The following SH3RF2 variants were observed in gnomAD, a reference collection of about 807,000 sequenced individuals.
The protein encoded by SH3RF2 is SH3 domain containing ring finger 2.
A neutral mutation model predicts 59.0 loss-of-function variants in SH3RF2; 43 were observed. The ratio of observed to expected loss-of-function variants is 0.73; its 90% CI spans 0.57 to 0.94. The LOEUF (loss-of-function observed/expected upper bound fraction) is 0.94, where lower values mean the gene tolerates loss of function less well. Ranked by LOEUF, SH3RF2 falls within the 40% of genes least tolerant of loss-of-function variation. The pLI is 0.00. For missense variants in SH3RF2, 930 were observed against 940.1 expected (o/e 0.99, Z 0.14); for synonymous variants, 391 against 391.5 (o/e 1.00, Z 0.01).
intron 5 of SH3RF2, among the ~76,000 whole-genome samples, chr5:146,040,614 C>T (rs962528838): frequency 6.6e-6 from 1 of 152,158 alleles, no homozygotes; most frequent in Admixed American, 6.5e-5. Context: ...TGCAATATAA[C>T]CCCTGCAGAC....
intron 2 of SH3RF2, among the ~76,000 whole-genome samples, chr5:145,966,478 T>C (rs1229190501): frequency 6.6e-6 from 1 of 152,208 alleles, no homozygotes; most frequent in Non-Finnish European, 1.5e-5. Context: ...TGTTCGCTAT[T>C]GTTGTTTTTA....
chr5:146,006,018 T>C (rs1430175917), intron 4 of SH3RF2, among the ~76,000 whole-genome samples: 6 of 152,212 alleles, frequency 3.9e-5, no homozygotes, highest in Non-Finnish European at 5.9e-5. Flanking sequence ...GAGTGCCTGC[T>C]ATGCCAGGAC....
intron 9 of SH3RF2, among the ~76,000 whole-genome samples, chr5:146,077,895 T>C (rs1417599611): frequency 6.6e-6 from 1 of 152,138 alleles, no homozygotes; most frequent in Admixed American, 6.6e-5. Context: ...CAATTTGTGT[T>C]TGTTGTTTCT....
intron 3 of SH3RF2, among the ~76,000 whole-genome samples, chr5:146,000,551 G>A (rs183962995): frequency 1.3e-5 from 2 of 152,206 alleles, no homozygotes; most frequent in Admixed American, 6.5e-5. Flanking sequence ...CTACATGCAC[G>A]TGAAATCTCT....
chr5:146,019,953 G>C lies in SH3RF2; in HGVS notation c.1059+5892G>C, dbSNP rs114868706. Among the ~76,000 whole-genome samples the C allele has an allele frequency of 2.1e-3, 320 of 152,170 alleles. 1 individual carries two copies. Among genetic ancestry groups the C allele is most frequent in the African/African-American group, 7.7e-3 (318 of 41,528 alleles). On this transcript the variant is annotated intron_variant, in intron 5 of 9. Coordinates refer to ENST00000359120, the MANE Select transcript of SH3RF2 (RefSeq NM_152550.4). ...GCGATGCTGCTGATTTGTGTACATC[G>C]ATTTTGTGACCTGAGACTACTGAAT...
At chr5:145,941,595 T>C (rs1757816779) in intron 2 of SH3RF2, among the ~76,000 whole-genome samples, 1 of 152,206 alleles carries the variant, frequency 6.6e-6, no homozygotes, top group Admixed American at 6.5e-5. Context: ...TCTCTCTTCT[T>C]CCTCATTCTG....
rs889641594 is a variant in SH3RF2 at position 146,021,725 on chromosome 5, CA to C, written c.1059+7665del. ...CCTCCCACCTCTCTCTCTATTTTGC[CA>C]GAGCCCCCTGGGTAAAGAACTGTCA... On this transcript the variant is annotated intron_variant, in intron 5 of 9. Coordinates refer to ENST00000359120, the MANE Select transcript of SH3RF2 (RefSeq NM_152550.4). Among the ~76,000 whole-genome samples the C allele has an allele frequency of 1.6e-4, 25 of 152,244 alleles. 2 individuals carry two copies. Among genetic ancestry groups the C allele is most frequent in the Admixed American group, 1.4e-3 (22 of 15,286 alleles).
At chr5:146,064,129 A>G (rs564681105), downstream of SH3RF2, among the ~76,000 whole-genome samples, 2 of 152,224 alleles carry the variant, frequency 1.3e-5, no homozygotes, top group South Asian at 4.2e-4. Context: ...AGGAGAAAAC[A>G]GGGGAGAGGA....
Position 145,938,591 on chromosome 5 carries a change from G to C in SH3RF2, c.378+285G>C, listed in dbSNP as rs184953472. Among the ~76,000 whole-genome samples the C allele has an allele frequency of 4.6e-5, 7 of 152,236 alleles. No homozygotes were observed. In the East Asian group the frequency reaches 1.4e-3, roughly 29 times the overall value. Reference sequence around the variant, plus strand: ...GGAAAGCCTTTTAGATTATATTTTTGGTGTTTCACTTCTGCTGTTCTGAGG... The same window carrying C: ...GGAAAGCCTTTTAGATTATATTTTTCGTGTTTCACTTCTGCTGTTCTGAGG... On this transcript the variant is annotated intron_variant, in intron 2 of 9. Transcript: ENST00000359120.
intron 2 of SH3RF2, among the ~76,000 whole-genome samples, chr5:145,984,214 A>G (rs1759614494): frequency 6.6e-6 from 1 of 152,180 alleles, no homozygotes; most frequent in African/African-American, 2.4e-5. Flanking sequence ...TAGCAAGTAT[A>G]AAGATGAATA....
intron 2 of SH3RF2, among the ~76,000 whole-genome samples, chr5:145,991,324 A>G (rs1759924583): frequency 6.6e-6 from 1 of 152,210 alleles, no homozygotes; most frequent in Admixed American, 6.5e-5. Flanking sequence ...TTTTGAGAGC[A>G]TATGAATGAG....
rs199886282 is a variant in SH3RF2 at position 146,062,437 on chromosome 5, C to T, written c.1926C>T (p.Thr642=). The part of the protein sequence containing the change: ...SRNGIEKQVK[T]VRFQNYSPPP... ...CCTTTCTCTTGCAGCAAGTCAAAAC[C>T]GTGAGATTTCAGAATTACAGCCCTC... The change falls in exon 10 of 10, where the codon ACC becomes ACT. Residue 642 remains threonine (T), a synonymous_variant. Coordinates refer to ENST00000359120, the MANE Select transcript of SH3RF2 (RefSeq NM_152550.4). 6.8e-6 allele frequency: 11 copies of T among 1,613,696 alleles called. No individual in the cohort carries two copies. Among genetic ancestry groups the T allele is most frequent in the East Asian group, 2.2e-5 (1 of 44,884 alleles).
At chr5:145,945,223 A>G (rs141626452) in intron 2 of SH3RF2, among the ~76,000 whole-genome samples, 5 of 152,156 alleles carry the variant, frequency 3.3e-5, no homozygotes, top group Non-Finnish European at 7.3e-5. Flanking sequence ...TAAGATGTGA[A>G]AAAAGAAGTG....
chr5:146,050,027 A>G (rs1404939578), intron 7 of SH3RF2: 2 of 152,276 alleles, frequency 1.3e-5, no homozygotes. Context: ...ACAGGGAAAG[A>G]GCCCCATTGT....
At chr5:145,943,234 A>AG (rs1757886970) in intron 2 of SH3RF2, among the ~76,000 whole-genome samples, 1 of 151,698 alleles carries the variant, frequency 6.6e-6, no homozygotes, top group African/African-American at 2.4e-5. Flanking sequence ...CTCCATTAAA[A>AG]AAAAAAAAGG....
intron 2 of SH3RF2, among the ~76,000 whole-genome samples, chr5:145,963,577 A>G (rs748223587): frequency 2.0e-5 from 3 of 152,220 alleles, no homozygotes; most frequent in Non-Finnish European, 4.4e-5. Context: ...TTGAAAACAG[A>G]TGGAACACAG....
chr5:146,015,361 C>T lies in SH3RF2; in HGVS notation c.1059+1300C>T, dbSNP rs561399961. Among the ~76,000 whole-genome samples the T allele has an allele frequency of 4.9e-4, 74 of 152,272 alleles. 1 individual carries two copies. Among genetic ancestry groups the T allele is most frequent in the African/African-American group, 1.8e-3 (73 of 41,554 alleles). On this transcript the variant is annotated intron_variant, in intron 5 of 9. Transcript: ENST00000359120. ...TTTCTCCTCCATTTCACTCCCCTTG[C>T]TTTAACAGAAACTATAAAACTTTCT...
At chr5:146,064,776 A>AAGGAAGGAAGGAAAGAAAGAAAGGAAAGG (rs1561773661), downstream of SH3RF2, among the ~76,000 whole-genome samples, 1 of 24,816 alleles carries the variant, frequency 4.0e-5, no homozygotes, top group African/African-American at 1.4e-4. Context: ...GGAAGGAAGG[A>AAGGAAGGAAGGAAAGAAAGAAAGGAAAGG]AAGGAAGGAA....
intron 2 of SH3RF2, among the ~76,000 whole-genome samples, chr5:145,959,639 GTGTGTGTGTA>G (rs1448565307): frequency 6.6e-6 from 1 of 150,478 alleles, no homozygotes; most frequent in African/African-American, 2.5e-5. Flanking sequence ...GTGTGTGTGT[GTGTGTGTGTA>G]TGTGTGTGTG....
Sources: gnomAD v4.1 joint callset for allele counts (sites outside exome capture counted in the v4.1 genomes callset) on GRCh38, gnomAD v4.1.1 for gene constraint, MANE v1.5 for transcripts, NCBI Gene and HGNC (gene_info 2026-07-23, HGNC 2026-07-21) for gene names.